SLCO3A1: variants seen among roughly 807,000 people sequenced by gnomAD.
SLCO3A1 encodes PGE1 transporter.
In SLCO3A1, 27 loss-of-function variants were observed where a neutral mutation model predicts 63.1. The observed-to-expected ratio is 0.43, with a 90% CI of 0.32 to 0.59. SLCO3A1 has a LOEUF of 0.59. Among genes scored for constraint, SLCO3A1 ranks in the 20% least tolerant of loss-of-function variants. SLCO3A1 has a pLI of 0.09. For missense variants in SLCO3A1, 773 were observed against 945.8 expected (o/e 0.82, Z 2.40); for synonymous variants, 473 against 409.9 (o/e 1.15, Z -1.86).
rs146812506 is a variant in SLCO3A1 at position 91,950,502 on chromosome 15, G to T, written c.646+34044G>T. On this transcript the variant is annotated intron_variant, in intron 2 of 9. Transcript: ENST00000318445. This position sits in a 1 kb window ranked among gnomAD's most constrained non-coding sequence, Gnocchi z 4.4. ...CCTGCAGGGGAACGTTGTGCAGTAT[G>T]GCAGGCGCACCCCACATGGGTGTGT... is the stretch of plus-strand genomic sequence containing the variant. Among the ~76,000 whole-genome samples the T allele has an allele frequency of 6.6e-6, 1 of 152,364 alleles. No homozygotes were observed. Among genetic ancestry groups the T allele is most frequent in the East Asian group, 1.9e-4 (1 of 5,184 alleles).
At chr15:92,171,751 T>C (rs768214062) in intron 10 of SLCO3A1, 7 of 1,481,084 alleles carry the variant, frequency 4.7e-6, no homozygotes, top group Non-Finnish European at 6.5e-6. Flanking sequence ...CTTTTTCCTC[T>C]TGGCTCTTCT....
intron 9 of SLCO3A1, among the ~76,000 whole-genome samples, chr15:92,154,757 C>CCCTGGAGTAGAAGCAGGAGTGTGG: frequency 6.6e-6 from 1 of 151,828 alleles, no homozygotes; most frequent in East Asian, 1.9e-4. Flanking sequence ...GGCCCCAGCA[C>CCCTGGAGTAGAAGCAGGAGTGTGG]CCTGGAGTAG....
At position 92,126,264 on chromosome 15, in the gene SLCO3A1, G is replaced by A; in HGVS notation, c.1373+5G>A. 1.9e-6 allele frequency: 3 copies of A among 1,613,034 alleles called. No individual in the cohort carries two copies. The highest frequency in any genetic ancestry group is 1.1e-5 in the South Asian group (1 of 91,060). On this transcript the variant is annotated splice_donor_5th_base_variant and intron_variant, in intron 6 of 9. Coordinates refer to ENST00000318445, the MANE Select transcript of SLCO3A1 (RefSeq NM_013272.4). ...TACTGTTCCCTATGGAAACAGGTGA[G>A]TACTGGCAGTGTCTGCCGCCTTCCT...
At chr15:92,154,068 G>T (rs928274474) in intron 9 of SLCO3A1, among the ~76,000 whole-genome samples, 1 of 152,230 alleles carries the variant, frequency 6.6e-6, no homozygotes, top group South Asian at 2.1e-4. Context: ...GGGCTTGTCT[G>T]CCATGTGGAG....
chr15:92,006,205 A>C (rs985936657), intron 2 of SLCO3A1, among the ~76,000 whole-genome samples: 44 of 152,208 alleles, frequency 2.9e-4, no homozygotes, highest in African/African-American at 1.0e-3. Context: ...TTGCCTAAAA[A>C]TTTTGCATCC....
chr15:91,936,506 C>T (rs1211781670), intron 2 of SLCO3A1, among the ~76,000 whole-genome samples: 1 of 152,192 alleles, frequency 6.6e-6, no homozygotes, highest in African/African-American at 2.4e-5. Context: ...TTATGGATAG[C>T]TCTGGCCTGG....
rs147885376 is a variant in SLCO3A1 at position 92,124,243 on chromosome 15, A to G, written c.1175-1818A>G. On this transcript the variant is annotated intron_variant, in intron 5 of 9. Coordinates refer to ENST00000318445, the MANE Select transcript of SLCO3A1 (RefSeq NM_013272.4). ...TTGTGAGTGAAGATAAAAAGGACTC[A>G]ATCTGCATAGGTTAACGTAATGAGA... Among the ~76,000 whole-genome samples the G allele has an allele frequency of 2.5e-4, 38 of 152,316 alleles. No individual in the cohort carries two copies. The East Asian group carries it at 6.4e-3, about 26-fold the overall frequency.
intron 2 of SLCO3A1, among the ~76,000 whole-genome samples, chr15:92,060,388 T>A (rs1020988322): frequency 6.6e-6 from 1 of 152,092 alleles, no homozygotes; most frequent in African/African-American, 2.4e-5. Context: ...CGCGAAACCC[T>A]GTCTCTACTA....
At chr15:91,923,757 T>C (rs1898922938) in intron 2 of SLCO3A1, among the ~76,000 whole-genome samples, 1 of 152,274 alleles carries the variant, frequency 6.6e-6, no homozygotes, top group South Asian at 2.1e-4. Context: ...CAGCCTTTTT[T>C]CTTTGTATAT....
At chr15:92,082,949 CAA>C (rs900815010) in intron 2 of SLCO3A1, among the ~76,000 whole-genome samples, 3 of 152,286 alleles carry the variant, frequency 2.0e-5, no homozygotes, top group African/African-American at 7.2e-5. Flanking sequence ...TTCTCATCTA[CAA>C]AAAGAGTCTC....
chr15:92,136,332 G>T (rs527904671), intron 7 of SLCO3A1, among the ~76,000 whole-genome samples: 8 of 152,174 alleles, frequency 5.3e-5, no homozygotes, highest in Non-Finnish European at 8.8e-5. Flanking sequence ...AGGATTGGAT[G>T]TGGGGGGAAA....
rs1596162143 is a variant in SLCO3A1 at position 92,163,803 on chromosome 15, T to C, written c.*668T>C. ...GGGTGATCCGTGCTGGAGTTTGTAATTGGCACCTCTCACCAGCTCCATTTC... is the reference window on the plus strand; with the variant it reads ...GGGTGATCCGTGCTGGAGTTTGTAACTGGCACCTCTCACCAGCTCCATTTC... On this transcript the variant is annotated 3_prime_UTR_variant, in exon 10 of 10. Transcript: ENST00000318445. 9 of 985,346 alleles carry C rather than the reference T, an allele frequency of 9.1e-6. No homozygotes were observed. Among genetic ancestry groups the C allele is most frequent in the Non-Finnish European group, 1.1e-5 (9 of 829,964 alleles). The allele number at this position is 985,346 out of a possible 1,614,324, so 61.0% of individuals were successfully genotyped here.
intron 10 of SLCO3A1, chr15:92,171,534 G>T (rs1269340190): frequency 1.5e-5 from 7 of 463,760 alleles, no homozygotes; most frequent in Non-Finnish European, 2.3e-5. Context: ...TGGCTGTGGG[G>T]TTGGTCATGT....
chr15:91,956,972 A>G (rs1321630196), intron 2 of SLCO3A1, among the ~76,000 whole-genome samples: 1 of 39,048 alleles, frequency 2.6e-5, no homozygotes, highest in Non-Finnish European at 3.7e-5. Context: ...ATATATATAT[A>G]TATAGTATAT....
intron 2 of SLCO3A1, among the ~76,000 whole-genome samples, chr15:91,931,426 T>G (rs925668219): frequency 6.6e-6 from 1 of 151,854 alleles, no homozygotes; most frequent in Non-Finnish European, 1.5e-5. Flanking sequence ...CCCCTCCTCC[T>G]CTTCCTCTGT....
intron 2 of SLCO3A1, among the ~76,000 whole-genome samples, chr15:92,055,849 T>A (rs990333153): frequency 3.9e-5 from 6 of 152,226 alleles, no homozygotes; most frequent in African/African-American, 1.2e-4. Context: ...CTAATGACCT[T>A]ATGAAAATGG....
chr15:92,170,187 A>C (rs557434618), downstream of SLCO3A1, among the ~76,000 whole-genome samples: 1 of 152,304 alleles, frequency 6.6e-6, no homozygotes, highest in South Asian at 2.1e-4. Flanking sequence ...TGGCAAGACC[A>C]TTTGATTTTA....
chr15:91,968,557 T>G lies in SLCO3A1; in HGVS notation c.646+52099T>G, dbSNP rs1003583734. ...CACCGTGGGGACCAGTGGCATCAAA[T>G]TCTGGTGCTAACAAAGGAAGTTCCA... On this transcript the variant is annotated intron_variant, in intron 2 of 9. Transcript: ENST00000318445. The surrounding 1 kb of genome is among the most constrained non-coding windows in gnomAD (Gnocchi z 4.2). Among the ~76,000 whole-genome samples, 2 of 152,048 alleles carry G rather than the reference T, an allele frequency of 1.3e-5. No individual in the cohort carries two copies. The highest frequency in any genetic ancestry group is 2.9e-5 in the Non-Finnish European group (2 of 68,010).
At chr15:91,866,185 A>T (rs1897160088) in intron 1 of SLCO3A1, among the ~76,000 whole-genome samples, 1 of 152,196 alleles carries the variant, frequency 6.6e-6, no homozygotes, top group South Asian at 2.1e-4. Flanking sequence ...GATTGGACTG[A>T]TAGTCATGTC....
Sources: gnomAD v4.1 joint callset for allele counts (sites outside exome capture counted in the v4.1 genomes callset) on GRCh38, gnomAD v4.1.1 for gene constraint, Gnocchi (gnomAD v3.1) non-coding constraint, MANE v1.5 for transcripts, NCBI Gene and HGNC (gene_info 2026-07-23, HGNC 2026-07-21) for gene names.